SLC30A9: variants seen among roughly 807,000 people sequenced by gnomAD.
SLC30A9 encodes the protein solute carrier family 30 member 9.
SLC30A9 carries 58 observed loss-of-function variants against 87.5 expected under a neutral mutation model. That is an observed-to-expected ratio of 0.66 (90% CI 0.54 to 0.82). SLC30A9 has a LOEUF of 0.82. Ranked by LOEUF, SLC30A9 falls within the 40% of genes least tolerant of loss-of-function variation. SLC30A9 has a pLI of 0.00. For synonymous variants in SLC30A9, 234 were observed against 233.0 expected, an observed-to-expected ratio of 1.00 and a Z score of -0.04; for missense variants, 557 against 679.1, an observed-to-expected ratio of 0.82 and a Z score of 2.00.
At chr4:42,064,599 G>A (rs1037785441) in intron 11 of SLC30A9, among the ~76,000 whole-genome samples, 3 of 152,204 alleles carry the variant, frequency 2.0e-5, no homozygotes, top group East Asian at 1.9e-4. Context: ...TTGTTCTAGC[G>A]TTCTTCTAAT....
In SLC30A9 at chr4:42,090,134, G is replaced by A. The variant is rs1719046078; in HGVS notation, c.*4008G>A. The A allele has an allele frequency of 6.6e-6, 1 of 152,164 alleles. No individual in the cohort carries two copies. Among genetic ancestry groups the A allele is most frequent in the South Asian group, 2.1e-4 (1 of 4,832 alleles). The allele number at this position is 152,164 out of a possible 1,614,324, so 9.4% of individuals were successfully genotyped here. A position where few individuals can be genotyped will look rare whatever the true frequency, so the allele number is the denominator to read the frequency against. ...AGCTTTGGCAGCATTTCTTTTAAATGTGATGAACCCCAATTTGCCAAACTG... is the reference window on the plus strand; with the variant it reads ...AGCTTTGGCAGCATTTCTTTTAAATATGATGAACCCCAATTTGCCAAACTG... On this transcript the variant is annotated 3_prime_UTR_variant, in exon 18 of 18. Transcript: ENST00000264451.
chr4:42,030,581 CTTTTTTTT>C (rs766917053), intron 6 of SLC30A9, among the ~76,000 whole-genome samples: 145 of 139,126 alleles, frequency 1.0e-3, no homozygotes, highest in African/African-American at 3.0e-3. Flanking sequence ...CTGGCATGGT[CTTTTTTTT>C]TTTTTTTTTT....
In SLC30A9 at chr4:42,033,802, T is replaced by C. The variant is rs554936539; in HGVS notation, c.611-1473T>C. 3.2e-4 allele frequency among the ~76,000 whole-genome samples: 48 copies of C among 152,302 alleles called. No individual in the cohort carries two copies. In the East Asian group the frequency reaches 5.0e-3, roughly 16 times the overall value. On this transcript the variant is annotated intron_variant, in intron 6 of 17. Transcript: ENST00000264451. ...ATGTTAGCCAGGATGGTCTCGATGA[T>C]CTGACCTTGTGATCCACCCGCCTTG... is the stretch of plus-strand genomic sequence containing the variant.
At chr4:42,026,510 A>T (rs1359014489) in intron 6 of SLC30A9, among the ~76,000 whole-genome samples, 4 of 152,222 alleles carry the variant, frequency 2.6e-5, no homozygotes, top group African/African-American at 9.6e-5. Context: ...AACAGATTTT[A>T]TTAAGCATCG....
intron 8 of SLC30A9, among the ~76,000 whole-genome samples, chr4:42,046,332 A>G (rs547913039): frequency 6.6e-6 from 1 of 152,332 alleles, no homozygotes; most frequent in South Asian, 2.1e-4. Flanking sequence ...ATATTTAGAA[A>G]ACCCCATAAT....
At chr4:42,060,351 A>G (rs559110565) in intron 10 of SLC30A9, 105 bp downstream of exon 10, 2 of 868,932 alleles carry the variant, frequency 2.3e-6, no homozygotes, top group East Asian at 2.4e-5. Context: ...AGTTTGTTCA[A>G]GATTTGGTCA....
At chr4:42,046,185 T>C (rs576285053) in intron 8 of SLC30A9, among the ~76,000 whole-genome samples, 2 of 152,314 alleles carry the variant, frequency 1.3e-5, no homozygotes, top group South Asian at 4.1e-4. Context: ...AAGACAAGGA[T>C]GCTGTCTCTC....
chr4:42,062,061 G>A (rs1406263433), intron 10 of SLC30A9, among the ~76,000 whole-genome samples: 1 of 151,946 alleles, frequency 6.6e-6, no homozygotes, highest in Non-Finnish European at 1.5e-5. Context: ...GGGTGTGGTG[G>A]TGCATGCCTA....
At position 42,023,354 on chromosome 4, in the gene SLC30A9, C is replaced by T. The variant is rs764622551; in HGVS notation, c.580C>T (p.Arg194Cys). 3 of 1,612,100 alleles carry T rather than the reference C, an allele frequency of 1.9e-6. No homozygotes were observed. The highest frequency in any genetic ancestry group is 2.5e-6 in the Non-Finnish European group (3 of 1,178,336). Residue 194 changes from arginine (R) to cysteine (C), a missense_variant, in exon 6 of 18, where the codon CGT (arginine) becomes TGT (cysteine). Physicochemically the swap from Arg to Cys is radical, Grantham distance 180. Transcript: ENST00000264451. ...AGCTCTTGCCAGAGAGAAAAAATTG[C>T]GTAAGGAAGCAGAAATAGAATACAG... ...PEALAREKKL[R>C]KEAEIEYRER...
rs533920191 is a variant in SLC30A9 at position 42,031,612 on chromosome 4, C to T, written c.611-3663C>T. On this transcript the variant is annotated intron_variant, in intron 6 of 17. Coordinates refer to ENST00000264451, the MANE Select transcript of SLC30A9 (RefSeq NM_006345.4). ...AATATGAAATAGTAACATATCAGAT[C>T]ATCATCAATAGATGAACATTTACAA... Among the ~76,000 whole-genome samples, 8 of 152,312 alleles carry T rather than the reference C, an allele frequency of 5.3e-5. No individual in the cohort carries two copies. In the East Asian group the frequency reaches 1.5e-3, roughly 29 times the overall value.
chr4:42,007,313 AGCT>A (rs2153133676), intron 2 of SLC30A9, among the ~76,000 whole-genome samples: 1 of 152,296 alleles, frequency 6.6e-6, no homozygotes, highest in South Asian at 2.1e-4. Context: ...GGAGTACCAG[AGCT>A]GGAGTATATT....
intron 9 of SLC30A9, among the ~76,000 whole-genome samples, chr4:42,055,292 T>A (rs1318106998): frequency 6.6e-6 from 1 of 152,232 alleles, no homozygotes. Flanking sequence ...GTAATATTTT[T>A]ATGCCATATG....
Position 41,990,573 on chromosome 4 carries a change from A to T in SLC30A9, c.-79A>T, listed in dbSNP as rs1228564301. ...AAGCCATCGGTGTTCGCTGATGTCC[A>T]GTCTATGGAGTCAGTTGGTACCGGT... On this transcript the variant is annotated 5_prime_UTR_variant, in exon 1 of 18. Coordinates refer to ENST00000264451, the MANE Select transcript of SLC30A9 (RefSeq NM_006345.4). 9 of 808,906 alleles carry T rather than the reference A, an allele frequency of 1.1e-5. No individual in the cohort carries two copies. Among genetic ancestry groups the T allele is most frequent in the Non-Finnish European group, 1.8e-5 (9 of 508,226 alleles). 50.1% of individuals were successfully genotyped at this position (808,906 alleles called of 1,614,324 possible).
At chr4:42,049,155 G>A (rs531111702) in intron 8 of SLC30A9, among the ~76,000 whole-genome samples, 10 of 152,036 alleles carry the variant, frequency 6.6e-5, no homozygotes. Flanking sequence ...TTGTAGAGAT[G>A]GGGTCTTACT....
At chr4:41,998,147 A>T (rs1454539788) in intron 1 of SLC30A9, among the ~76,000 whole-genome samples, 4 of 152,220 alleles carry the variant, frequency 2.6e-5, no homozygotes, top group Non-Finnish European at 5.9e-5. Flanking sequence ...GGAGAGAGAG[A>T]GGACAAGTAG....
chr4:42,041,566 C>A (rs1716924216), intron 8 of SLC30A9, among the ~76,000 whole-genome samples: 5 of 152,034 alleles, frequency 3.3e-5, no homozygotes, highest in African/African-American at 1.2e-4. Flanking sequence ...AGACCTTGTA[C>A]CTACAAAAAA....
At chr4:42,067,881 A>C (rs1354740638) in intron 14 of SLC30A9, among the ~76,000 whole-genome samples, 1 of 152,198 alleles carries the variant, frequency 6.6e-6, no homozygotes, top group Non-Finnish European at 1.5e-5. Context: ...TGTGTCCTGA[A>C]CTGCTAGGAT....
chr4:42,075,325 C>T (rs942036068), intron 15 of SLC30A9, among the ~76,000 whole-genome samples: 12 of 151,434 alleles, frequency 7.9e-5, no homozygotes, highest in Admixed American at 4.6e-4. Context: ...CCTCCCTGCT[C>T]GGCCTCCGAA....
intron 14 of SLC30A9, 66 bp from the exon 15 acceptor site, chr4:42,070,460 C>G: frequency 1.6e-6 from 2 of 1,250,888 alleles, no homozygotes; most frequent in Non-Finnish European, 1.1e-6. Context: ...GTTCTTTGCT[C>G]TCTATAAAGT....
Sources: allele counts gnomAD v4.1 joint callset (sites outside exome capture counted in the v4.1 genomes callset), GRCh38; gene constraint gnomAD v4.1.1; transcripts MANE v1.5; gene names NCBI Gene and HGNC (gene_info 2026-07-23, HGNC 2026-07-21).